Variants in THSD7B observed in about 807,000 individuals in gnomAD.
THSD7B encodes thrombospondin type-1 domain-containing protein 7B.
A neutral mutation model predicts 213.6 loss-of-function variants in THSD7B; 138 were observed. The observed-to-expected ratio is 0.65, with a 90% CI of 0.56 to 0.74. The LOEUF (loss-of-function observed/expected upper bound fraction) is 0.74. Ranked by LOEUF, THSD7B falls within the 30% of genes least tolerant of loss-of-function variation. THSD7B has a pLI of 0.00. For missense variants in THSD7B, 1,931 were observed against 1,991.5 expected, an observed-to-expected ratio of 0.97 and a Z score of 0.58; for synonymous variants, 742 against 687.0, an observed-to-expected ratio of 1.08 and a Z score of -1.25.
At chr2:137,387,315 C>A (rs1189740129) in intron 12 of THSD7B, among the ~76,000 whole-genome samples, 1 of 152,194 alleles carries the variant, frequency 6.6e-6, no homozygotes, top group Non-Finnish European at 1.5e-5. Context: ...CCGTCATTCC[C>A]TAACAAGGAT....
intron 4 of THSD7B, among the ~76,000 whole-genome samples, chr2:137,096,184 A>C (rs1165815058): frequency 6.6e-6 from 1 of 152,194 alleles, no homozygotes; most frequent in African/African-American, 2.4e-5. Flanking sequence ...TGTATCTGTT[A>C]AATCTGTAGC....
chr2:136,788,365 G>C (rs1358558324), intron 1 of THSD7B, among the ~76,000 whole-genome samples: 1 of 152,242 alleles, frequency 6.6e-6, no homozygotes, highest in East Asian at 1.9e-4. Flanking sequence ...AGTGTGCTGG[G>C]ACTTTTAAGT....
intron 12 of THSD7B, among the ~76,000 whole-genome samples, chr2:137,328,120 A>G (rs1256755348): frequency 1.3e-5 from 2 of 152,228 alleles, no homozygotes; most frequent in Non-Finnish European, 2.9e-5. Flanking sequence ...GTGAAATTTG[A>G]CATCTTATAC....
At chr2:136,846,540 A>C (rs1262044502) in intron 1 of THSD7B, among the ~76,000 whole-genome samples, 1 of 152,142 alleles carries the variant, frequency 6.6e-6, no homozygotes, top group Non-Finnish European at 1.5e-5. Flanking sequence ...AATTAACATA[A>C]GAATCGTTTA....
Position 137,269,907 on chromosome 2 carries a change from C to A in THSD7B, c.2267-2626C>A, listed in dbSNP as rs539364163. Among the ~76,000 whole-genome samples the A allele has an allele frequency of 5.9e-5, 9 of 152,128 alleles. No individual in the cohort carries two copies. The South Asian group carries it at 1.9e-3, about 32-fold the overall frequency. ...CCTTTGACTTTATTGGCATGTTCTG[C>A]CAGGAAAGAGGTAGCCCACTCAAAT... is the stretch of plus-strand genomic sequence containing the variant. On this transcript the variant is annotated intron_variant, in intron 10 of 27. Coordinates refer to ENST00000409968, the MANE Select transcript of THSD7B (RefSeq NM_001316349.2).
chr2:136,931,242 A>G (rs1352119982), intron 2 of THSD7B, among the ~76,000 whole-genome samples: 1 of 152,186 alleles, frequency 6.6e-6, no homozygotes, highest in African/African-American at 2.4e-5. Context: ...ATGTGCAGCT[A>G]TATATACATG....
chr2:136,965,022 A>AG (rs1685289805), intron 2 of THSD7B, among the ~76,000 whole-genome samples: 1 of 151,832 alleles, frequency 6.6e-6, no homozygotes, highest in East Asian at 1.9e-4. Context: ...AAAAAAAAAA[A>AG]AAAAAAAGGG....
chr2:137,309,413 T>C (rs1433311285), intron 12 of THSD7B, among the ~76,000 whole-genome samples: 1 of 151,816 alleles, frequency 6.6e-6, no homozygotes, highest in Non-Finnish European at 1.5e-5. Flanking sequence ...TGCTCCCAGT[T>C]TGATATTTAT....
In THSD7B at chr2:137,672,875, C is replaced by T. The variant is rs531042299; in HGVS notation, c.4740-3649C>T. ...GAGTTTCAGAAATATTATTGATGCCCCTTCTCCTCTGGCAGTAAATATCCA... is the reference window on the plus strand; with the variant it reads ...GAGTTTCAGAAATATTATTGATGCCTCTTCTCCTCTGGCAGTAAATATCCA... On this transcript the variant is annotated intron_variant, in intron 27 of 27. Transcript: ENST00000409968. Among the ~76,000 whole-genome samples, 9 of 152,274 alleles carry T rather than the reference C, an allele frequency of 5.9e-5. No individual in the cohort carries two copies. In the South Asian group the frequency reaches 1.9e-3, roughly 32 times the overall value.
intron 20 of THSD7B, among the ~76,000 whole-genome samples, chr2:137,641,425 A>G (rs1682935513): frequency 6.6e-6 from 1 of 152,238 alleles, no homozygotes; most frequent in Non-Finnish European, 1.5e-5. Context: ...ATTCTAATGC[A>G]TGCTTCCACA....
chr2:136,875,837 T>A (rs1266447834), intron 1 of THSD7B, among the ~76,000 whole-genome samples: 3 of 152,238 alleles, frequency 2.0e-5, no homozygotes, highest in Admixed American at 2.0e-4. Context: ...TTCTTTGGAA[T>A]TAAAATTCAA....
At chr2:137,545,798 G>C (rs1680696009) in intron 15 of THSD7B, among the ~76,000 whole-genome samples, 1 of 151,738 alleles carries the variant, frequency 6.6e-6, no homozygotes, top group Non-Finnish European at 1.5e-5. Context: ...GAACATAAAA[G>C]GTGTGCAAGA....
At chr2:136,851,146 G>A (rs1252863933) in intron 1 of THSD7B, among the ~76,000 whole-genome samples, 1 of 151,934 alleles carries the variant, frequency 6.6e-6, no homozygotes, top group Admixed American at 6.6e-5. Context: ...TATCTTTAAT[G>A]ATCTTGCTTG....
chr2:137,421,559 G>C (rs1686926478), intron 14 of THSD7B, among the ~76,000 whole-genome samples: 1 of 152,136 alleles, frequency 6.6e-6, no homozygotes, highest in Admixed American at 6.5e-5. Flanking sequence ...TGCTCTCCCT[G>C]GGCACACCAC....
chr2:136,909,011 T>C (rs1684215165), intron 2 of THSD7B, among the ~76,000 whole-genome samples: 1 of 151,968 alleles, frequency 6.6e-6, no homozygotes, highest in Non-Finnish European at 1.5e-5. Flanking sequence ...CAAGACCCAA[T>C]CTCTACTAAA....
At chr2:137,130,002 C>G (rs891441176) in intron 5 of THSD7B, among the ~76,000 whole-genome samples, 3 of 152,080 alleles carry the variant, frequency 2.0e-5, no homozygotes, top group Non-Finnish European at 4.4e-5. Context: ...AAGAATATGT[C>G]TGACAGTTTT....
At chr2:136,855,701 A>G (rs1683170889) in intron 1 of THSD7B, among the ~76,000 whole-genome samples, 1 of 151,500 alleles carries the variant, frequency 6.6e-6, no homozygotes, top group Non-Finnish European at 1.5e-5. Flanking sequence ...CGAACTCCTG[A>G]CCTCAGGTGA....
At chr2:137,012,232 T>C (rs950329776) in intron 2 of THSD7B, among the ~76,000 whole-genome samples, 3 of 152,236 alleles carry the variant, frequency 2.0e-5, no homozygotes, top group Admixed American at 2.0e-4. Context: ...AGCTGAGTTT[T>C]TAGAACTAAT....
chr2:137,444,683 A>T (rs1687490968), intron 14 of THSD7B, among the ~76,000 whole-genome samples: 1 of 151,998 alleles, frequency 6.6e-6, no homozygotes. Flanking sequence ...AAACTTTGGG[A>T]AAATGCTCCA....
Sources: gnomAD v4.1 joint callset for allele counts (sites outside exome capture counted in the v4.1 genomes callset) on GRCh38, gnomAD v4.1.1 for gene constraint, MANE v1.5 for transcripts, NCBI Gene and HGNC (gene_info 2026-07-23, HGNC 2026-07-21) for gene names.